BRINP3: variants seen among roughly 807,000 people sequenced by gnomAD.
The protein encoded by BRINP3 is BMP/retinoic acid inducible neural specific 3.
BRINP3 carries 19 observed loss-of-function variants against 71.0 expected under a neutral mutation model. The observed-to-expected ratio is 0.27, with a 90% CI of 0.19 to 0.39. The LOEUF is 0.39. Among genes scored for constraint, BRINP3 ranks in the 10% least tolerant of loss-of-function variants. The pLI is 1.00. For synonymous variants in BRINP3, 380 were observed against 337.7 expected (o/e 1.13, Z -1.37); for missense variants, 959 against 940.8 (o/e 1.02, Z -0.25).
intron 4 of BRINP3, among the ~76,000 whole-genome samples, chr1:190,236,266 T>C (rs1658509136): frequency 6.6e-6 from 1 of 151,966 alleles, no homozygotes; most frequent in Non-Finnish European, 1.5e-5. Context: ...ATTCAAAATA[T>C]GAAGTTAAGA....
At chr1:190,337,803 T>C (rs1316739231) in intron 2 of BRINP3, among the ~76,000 whole-genome samples, 1 of 152,100 alleles carries the variant, frequency 6.6e-6, no homozygotes, top group Non-Finnish European at 1.5e-5. Flanking sequence ...AGTCCTGTTC[T>C]TCTAGAGAAC....
chr1:190,376,179 C>T lies in BRINP3; in HGVS notation c.236+78476G>A, dbSNP rs1355020352. ...ATAGCTTTTTTTTTTAATATAGTAGCAGCTGTCTGAGAAACAAGACCTAAA... is the reference window on the plus strand; with the variant it reads ...ATAGCTTTTTTTTTTAATATAGTAGTAGCTGTCTGAGAAACAAGACCTAAA... On this transcript the variant is annotated intron_variant, in intron 2 of 7. Transcript: ENST00000367462. Among the ~76,000 whole-genome samples, 5 of 151,792 alleles carry T rather than the reference C, an allele frequency of 3.3e-5. No homozygotes were observed. The East Asian group carries it at 7.7e-4, about 23-fold the overall frequency.
At chr1:190,368,384 C>T (rs375762330) in intron 2 of BRINP3, among the ~76,000 whole-genome samples, 5 of 152,010 alleles carry the variant, frequency 3.3e-5, no homozygotes, top group South Asian at 2.1e-4. Flanking sequence ...GTCTCTCCTG[C>T]GGCAGGCCAT....
chr1:190,379,297 A>T (rs982272206), intron 2 of BRINP3, among the ~76,000 whole-genome samples: 3 of 152,176 alleles, frequency 2.0e-5, no homozygotes, highest in Admixed American at 2.0e-4. Flanking sequence ...ACTGTAATGA[A>T]TATTGCTGTA....
chr1:190,401,789 T>C (rs72731143), intron 2 of BRINP3, among the ~76,000 whole-genome samples: 26,216 of 152,020 alleles, frequency 0.17, 2,396 homozygotes, highest in East Asian at 0.22. Context: ...CATACACATG[T>C]AGTTGTCCAA....
At chr1:190,414,336 T>C (rs866097102) in intron 2 of BRINP3, among the ~76,000 whole-genome samples, 55 of 151,678 alleles carry the variant, frequency 3.6e-4, no homozygotes, top group African/African-American at 1.3e-3. Context: ...TAAATCACTG[T>C]GTTTTTTTTT....
At chr1:190,303,697 C>G (rs1426224047) in intron 2 of BRINP3, among the ~76,000 whole-genome samples, 1 of 151,674 alleles carries the variant, frequency 6.6e-6, no homozygotes, top group Non-Finnish European at 1.5e-5. Flanking sequence ...AGCCAGAAGT[C>G]CAGATGGCAC....
At chr1:190,357,461 T>C (rs1425748121) in intron 2 of BRINP3, among the ~76,000 whole-genome samples, 1 of 152,018 alleles carries the variant, frequency 6.6e-6, no homozygotes, top group Non-Finnish European at 1.5e-5. Flanking sequence ...GTTTGGGTGC[T>C]GAATTTATGG....
intron 6 of BRINP3, among the ~76,000 whole-genome samples, chr1:190,167,182 C>T (rs889788578): frequency 6.6e-6 from 1 of 151,906 alleles, no homozygotes; most frequent in African/African-American, 2.4e-5. Context: ...TGAGCTAGAG[C>T]CTGTTTGTCT....
At chr1:190,225,704 T>A (rs575731939) in intron 6 of BRINP3, among the ~76,000 whole-genome samples, 2 of 152,096 alleles carry the variant, frequency 1.3e-5, no homozygotes, top group South Asian at 4.1e-4. Flanking sequence ...AGAATCATGT[T>A]GAAAAAGGTA....
chr1:190,226,525 A>G (rs1331501169), intron 5 of BRINP3, among the ~76,000 whole-genome samples: 1 of 152,020 alleles, frequency 6.6e-6, no homozygotes, highest in Non-Finnish European at 1.5e-5. Flanking sequence ...TGAATATGAA[A>G]CTTCAGAAAT....
chr1:190,363,023 AG>A lies in BRINP3; in HGVS notation c.237-81274del, dbSNP rs551346294. Among the ~76,000 whole-genome samples the A allele has an allele frequency of 1.6e-3, 240 of 152,266 alleles. 2 individuals carry two copies. Among genetic ancestry groups the A allele is most frequent in the Admixed American group, 6.3e-3 (96 of 15,272 alleles). On this transcript the variant is annotated intron_variant, in intron 2 of 7. Coordinates refer to ENST00000367462, the MANE Select transcript of BRINP3 (RefSeq NM_199051.3). ...ATAGGTTATTAATCACTTGACTTTG[AG>A]TTAAATATAATGATAATATCTGAGT...
chr1:190,234,496 A>G lies in BRINP3; in HGVS notation c.619-19T>C. On this transcript the variant is annotated intron_variant, in intron 4 of 7. Transcript: ENST00000367462. ...CTGTTACCTGGCAAACAAAACATCA[A>G]CTTTATTATCTAAATCAGACTTTAC... 2 of 1,563,336 alleles carry G rather than the reference A, an allele frequency of 1.3e-6. No individual in the cohort carries two copies. The highest frequency in any genetic ancestry group is 1.8e-6 in the Non-Finnish European group (2 of 1,134,686).
intron 5 of BRINP3, among the ~76,000 whole-genome samples, chr1:190,230,745 A>T (rs549435681): frequency 6.6e-6 from 1 of 151,782 alleles, no homozygotes; most frequent in African/African-American, 2.4e-5. Context: ...CAAGTGGAAA[A>T]AGAATTGTTC....
intron 2 of BRINP3, among the ~76,000 whole-genome samples, chr1:190,330,900 C>T (rs1021875308): frequency 9.9e-5 from 15 of 151,842 alleles, no homozygotes; most frequent in African/African-American, 3.1e-4. Context: ...GGCATGTTCT[C>T]ATTAATAAGT....
chr1:190,443,922 A>G (rs1477575698), intron 2 of BRINP3, among the ~76,000 whole-genome samples: 1 of 152,144 alleles, frequency 6.6e-6, no homozygotes, highest in East Asian at 1.9e-4. Flanking sequence ...GAACGTGGAC[A>G]GGAACTTTGC....
In BRINP3 at chr1:190,204,966, G is replaced by T. The variant is rs183072994; in HGVS notation, c.961+21116C>A. ...TAAATTTCCTCTCTATTGAATTTTGGATTCAACATATCATTTCCTTTGGCA... is the reference window on the plus strand; with the variant it reads ...TAAATTTCCTCTCTATTGAATTTTGTATTCAACATATCATTTCCTTTGGCA... On this transcript the variant is annotated intron_variant, in intron 6 of 7. Transcript: ENST00000367462. Among the ~76,000 whole-genome samples the T allele has an allele frequency of 1.2e-3, 170 of 145,520 alleles. 1 individual carries two copies. Among genetic ancestry groups the T allele is most frequent in the African/African-American group, 4.1e-3 (159 of 38,542 alleles).
intron 5 of BRINP3, among the ~76,000 whole-genome samples, chr1:190,230,042 T>C (rs1389371579): frequency 6.6e-6 from 1 of 151,884 alleles, no homozygotes; most frequent in Non-Finnish European, 1.5e-5. Flanking sequence ...TAAGAACCAA[T>C]GGATAGCTTT....
intron 2 of BRINP3, among the ~76,000 whole-genome samples, chr1:190,355,291 A>G (rs1017925848): frequency 6.6e-6 from 1 of 151,884 alleles, no homozygotes; most frequent in Non-Finnish European, 1.5e-5. Context: ...GAATGCACAG[A>G]ATCACTTACA....
Sources: gnomAD v4.1 joint callset for allele counts (sites outside exome capture counted in the v4.1 genomes callset) on GRCh38, gnomAD v4.1.1 for gene constraint, MANE v1.5 for transcripts, NCBI Gene and HGNC (gene_info 2026-07-23, HGNC 2026-07-21) for gene names.